The following NOL4 variants were observed in gnomAD, a reference collection of about 807,000 sequenced individuals.
NOL4 encodes nucleolar protein 4.
A neutral mutation model predicts 75.9 loss-of-function variants in NOL4; 17 were observed. The ratio of observed to expected loss-of-function variants is 0.22; its 90% confidence interval spans 0.15 to 0.34. The LOEUF is 0.34. Among genes scored for constraint, NOL4 ranks in the 10% least tolerant of loss-of-function variants. NOL4 has a pLI of 1.00. For missense variants in NOL4, 614 were observed against 793.5 expected (o/e 0.77, Z 2.72); for synonymous variants, 292 against 289.9 (o/e 1.01, Z -0.07).
chr18:33,921,555 C>A (rs569065591), intron 9 of NOL4, among the ~76,000 whole-genome samples: 1 of 152,092 alleles, frequency 6.6e-6, no homozygotes. Context: ...AACTTGTATT[C>A]TTTTAGGAAG....
At chr18:33,868,877 TATA>T (rs1416249293) in intron 10 of NOL4, among the ~76,000 whole-genome samples, 1 of 152,078 alleles carries the variant, frequency 6.6e-6, no homozygotes, top group African/African-American at 2.4e-5. Context: ...TTAAGGATAC[TATA>T]ATATGTTAGT....
At chr18:33,952,873 G>A (rs915149379) in intron 8 of NOL4, among the ~76,000 whole-genome samples, 4 of 152,176 alleles carry the variant, frequency 2.6e-5, no homozygotes, top group African/African-American at 9.7e-5. Flanking sequence ...GCGGTGAGCT[G>A]AGGTCATGCC....
chr18:34,173,694 C>T (rs1400377227), intron 1 of NOL4, among the ~76,000 whole-genome samples: 1 of 152,126 alleles, frequency 6.6e-6, no homozygotes, highest in Non-Finnish European at 1.5e-5. Flanking sequence ...TACCAACCTG[C>T]TGTGGGGCTC....
intron 1 of NOL4, among the ~76,000 whole-genome samples, chr18:34,187,794 A>T (rs755521149): frequency 3.1e-4 from 47 of 152,324 alleles, no homozygotes; most frequent in African/African-American, 8.7e-4. Flanking sequence ...AAATTTATTT[A>T]AAAAAATTTT....
chr18:34,067,147 G>A (rs545990526), intron 5 of NOL4, among the ~76,000 whole-genome samples: 2 of 152,202 alleles, frequency 1.3e-5, no homozygotes, highest in Admixed American at 6.5e-5. Context: ...CAGGATTTGC[G>A]ATTTAAAGAA....
intron 2 of NOL4, among the ~76,000 whole-genome samples, chr18:34,119,461 C>T (rs1427790466): frequency 6.6e-6 from 1 of 152,126 alleles, no homozygotes; most frequent in Non-Finnish European, 1.5e-5. Context: ...TAGCATTACT[C>T]CAATGCACCA....
chr18:33,880,662 T>C (rs1021119707), intron 10 of NOL4, among the ~76,000 whole-genome samples: 4 of 152,086 alleles, frequency 2.6e-5, no homozygotes, highest in Non-Finnish European at 5.9e-5. Context: ...TTCTTAGTTA[T>C]GACTGTGTAT....
chr18:33,869,082 G>C (rs2063569315), intron 10 of NOL4, among the ~76,000 whole-genome samples: 1 of 151,650 alleles, frequency 6.6e-6, no homozygotes, highest in Non-Finnish European at 1.5e-5. Flanking sequence ...AGGTACCTAT[G>C]ATATGTCATC....
chr18:34,121,943 A>G, intron 2 of NOL4, among the ~76,000 whole-genome samples: 1 of 152,178 alleles, frequency 6.6e-6, no homozygotes, highest in East Asian at 1.9e-4. Context: ...CCTAAGGCCT[A>G]TATAGCCCAA....
At chr18:33,904,962 A>T (rs2065949366) in intron 9 of NOL4, among the ~76,000 whole-genome samples, 1 of 152,156 alleles carries the variant, frequency 6.6e-6, no homozygotes, top group South Asian at 2.1e-4. Context: ...GAAAAGATAA[A>T]CCACAGTCTA....
intron 1 of NOL4, among the ~76,000 whole-genome samples, chr18:34,178,696 A>G (rs1471451305): frequency 2.0e-5 from 3 of 151,716 alleles, no homozygotes; most frequent in Non-Finnish European, 3.0e-5. Context: ...GAGCCACAAG[A>G]TACAAGAAAT....
At chr18:33,915,794 T>C (rs1426143549) in intron 9 of NOL4, among the ~76,000 whole-genome samples, 1 of 152,104 alleles carries the variant, frequency 6.6e-6, no homozygotes, top group Non-Finnish European at 1.5e-5. Flanking sequence ...CTAGTAGGGC[T>C]CTCCTTGAAA....
chr18:34,009,240 T>C lies in NOL4; in HGVS notation c.1056+10078A>G, dbSNP rs540082575. Among the ~76,000 whole-genome samples the C allele has an allele frequency of 1.7e-3, 253 of 151,982 alleles. 1 individual carries two copies. The highest frequency in any genetic ancestry group is 5.8e-3 in the African/African-American group (241 of 41,500). On this transcript the variant is annotated intron_variant, in intron 6 of 10. Transcript: ENST00000261592. ...ACAGAAATGGGATCAAGAATGCCTATAAAATGCCTCTGGGAATGTGTATAT... is the reference window on the plus strand; with the variant it reads ...ACAGAAATGGGATCAAGAATGCCTACAAAATGCCTCTGGGAATGTGTATAT...
intron 5 of NOL4, among the ~76,000 whole-genome samples, chr18:34,040,514 T>C (rs1330938586): frequency 1.3e-5 from 2 of 152,030 alleles, no homozygotes; most frequent in Non-Finnish European, 2.9e-5. Context: ...TTTATTAATA[T>C]ACTTTATTAA....
At chr18:34,140,661 A>C (rs746389082) in intron 1 of NOL4, among the ~76,000 whole-genome samples, 21 of 152,154 alleles carry the variant, frequency 1.4e-4, no homozygotes, top group Non-Finnish European at 2.6e-4. Context: ...TTTTAATTGG[A>C]GCATTTAGCC....
chr18:33,868,395 T>C (rs2063535461), intron 10 of NOL4, among the ~76,000 whole-genome samples: 2 of 152,098 alleles, frequency 1.3e-5, no homozygotes, highest in Middle Eastern at 3.4e-3. Flanking sequence ...TGGTTGGTCA[T>C]ATGTTGGGCA....
Position 34,073,179 on chromosome 18 carries a change from A to G in NOL4, c.772+20286T>C, listed in dbSNP as rs145739378. Among the ~76,000 whole-genome samples, 736 of 152,232 alleles carry G rather than the reference A, an allele frequency of 4.8e-3. 9 individuals are homozygous for G. The highest frequency in any genetic ancestry group is 0.017 in the African/African-American group (690 of 41,568). On this transcript the variant is annotated intron_variant, in intron 5 of 10. Coordinates refer to ENST00000261592, the MANE Select transcript of NOL4 (RefSeq NM_003787.5). ...AATTGATAACCCCTTGAAATAACCAATCAGGAAAATAATAAAAAGAAAAAT... is the reference window on the plus strand; with the variant it reads ...AATTGATAACCCCTTGAAATAACCAGTCAGGAAAATAATAAAAAGAAAAAT...
At chr18:34,180,679 G>A (rs532735681) in intron 1 of NOL4, among the ~76,000 whole-genome samples, 49 of 151,528 alleles carry the variant, frequency 3.2e-4, no homozygotes, top group African/African-American at 1.2e-3. Context: ...AACTATATTT[G>A]CAGATGACAT....
At chr18:34,093,267 C>T (rs979686469) in intron 5 of NOL4, among the ~76,000 whole-genome samples, 198 bp downstream of exon 5, 23 of 152,102 alleles carry the variant, frequency 1.5e-4, no homozygotes, top group Admixed American at 2.6e-4. Context: ...ATCAGTCTAA[C>T]ACCTTGGTTT....
Sources: allele counts gnomAD v4.1 joint callset (sites outside exome capture counted in the v4.1 genomes callset), GRCh38; gene constraint gnomAD v4.1.1; transcripts MANE v1.5; gene names NCBI Gene and HGNC (gene_info 2026-07-23, HGNC 2026-07-21).